Variants in HS3ST5 observed in about 807,000 individuals in gnomAD.
The protein encoded by HS3ST5 is heparan sulfate glucosamine 3-O-sulfotransferase 5.
A neutral mutation model predicts 25.4 loss-of-function variants in HS3ST5; 10 were observed. The observed-to-expected ratio is 0.39, with a 90% CI of 0.24 to 0.67. HS3ST5 has a LOEUF of 0.67. Ranked by LOEUF, HS3ST5 falls within the 30% of genes least tolerant of loss-of-function variation. The pLI is 0.44. For synonymous variants in HS3ST5, 170 were observed against 162.4 expected (o/e 1.05, Z -0.36); for missense variants, 324 against 420.7 (o/e 0.77, Z 2.01).
intron 1 of HS3ST5, among the ~76,000 whole-genome samples, chr6:114,231,880 GAAC>G (rs1481740969): frequency 6.6e-6 from 1 of 151,892 alleles, no homozygotes; most frequent in Non-Finnish European, 1.5e-5. Context: ...GAAATTAGGT[GAAC>G]AACAAGGAAA....
At chr6:114,289,427 A>G (rs1774476911) in intron 1 of HS3ST5, among the ~76,000 whole-genome samples, 2 of 152,140 alleles carry the variant, frequency 1.3e-5, no homozygotes, top group Non-Finnish European at 2.9e-5. Context: ...AAGACATAAA[A>G]TTTAAAGACA....
At chr6:114,311,495 T>A (rs572168664) in intron 1 of HS3ST5, among the ~76,000 whole-genome samples, 3 of 151,142 alleles carry the variant, frequency 2.0e-5, no homozygotes, top group Non-Finnish European at 3.0e-5. Context: ...TGTTACCACT[T>A]AAAATGAAAT....
intron 1 of HS3ST5, among the ~76,000 whole-genome samples, chr6:114,251,209 G>T (rs1297803012): frequency 6.6e-6 from 1 of 152,192 alleles, no homozygotes; most frequent in Non-Finnish European, 1.5e-5. Context: ...TAGGAGAGCA[G>T]CTTTCCACTG....
intron 1 of HS3ST5, among the ~76,000 whole-genome samples, chr6:114,321,240 A>G (rs1022064304): frequency 2.6e-5 from 4 of 152,122 alleles, no homozygotes; most frequent in Non-Finnish European, 5.9e-5. Context: ...AGTGCCTGAA[A>G]CATTCTGGCA....
At chr6:114,070,476 C>A (rs1169509118) in intron 3 of HS3ST5, among the ~76,000 whole-genome samples, 1 of 151,924 alleles carries the variant, frequency 6.6e-6, no homozygotes, top group Non-Finnish European at 1.5e-5. Context: ...TTAAAACTGA[C>A]CAGAATCATG....
intron 2 of HS3ST5, among the ~76,000 whole-genome samples, chr6:114,181,776 A>G (rs1779982747): frequency 6.6e-6 from 1 of 152,190 alleles, no homozygotes; most frequent in Non-Finnish European, 1.5e-5. Context: ...GTTCTGCTGC[A>G]GCAGTATGAA....
intron 1 of HS3ST5, among the ~76,000 whole-genome samples, chr6:114,279,437 CTG>C (rs1774006378): frequency 6.6e-6 from 1 of 152,044 alleles, no homozygotes; most frequent in Admixed American, 6.6e-5. Context: ...TAGGTGGAAT[CTG>C]TGCTTTATGT....
intron 2 of HS3ST5, among the ~76,000 whole-genome samples, chr6:114,206,270 G>A (rs1200596152): frequency 6.6e-6 from 1 of 152,150 alleles, no homozygotes; most frequent in East Asian, 1.9e-4. Context: ...TAAACTCCTT[G>A]AGGGCAGTTT....
chr6:114,311,755 C>T (rs959174748), intron 1 of HS3ST5, among the ~76,000 whole-genome samples: 7 of 152,030 alleles, frequency 4.6e-5, no homozygotes, highest in Admixed American at 1.3e-4. Flanking sequence ...GTTGGCTAAG[C>T]GGTTCTTGAA....
At chr6:114,288,554 A>G (rs774869985) in intron 1 of HS3ST5, among the ~76,000 whole-genome samples, 2 of 151,100 alleles carry the variant, frequency 1.3e-5, no homozygotes, top group Non-Finnish European at 2.9e-5. Context: ...TGTCTCTTGG[A>G]ATCCTTGCTC....
chr6:114,337,844 A>G (rs1278951260), intron 1 of HS3ST5, among the ~76,000 whole-genome samples: 1 of 152,166 alleles, frequency 6.6e-6, no homozygotes, highest in Non-Finnish European at 1.5e-5. Context: ...ATTCTGCCAT[A>G]TAGTAGCTGC....
intron 2 of HS3ST5, among the ~76,000 whole-genome samples, chr6:114,200,246 G>A (rs1438817340): frequency 1.3e-5 from 2 of 152,046 alleles, no homozygotes; most frequent in African/African-American, 4.8e-5. Context: ...AAAACAAAAT[G>A]AGGTTTGTTT....
chr6:114,303,134 A>G (rs1582801071), intron 1 of HS3ST5, among the ~76,000 whole-genome samples: 1 of 152,174 alleles, frequency 6.6e-6, no homozygotes, highest in Non-Finnish European at 1.5e-5. Context: ...GTCCGGCCTC[A>G]ACTCTACCTA....
At chr6:114,109,319 C>A (rs1776148324) in intron 3 of HS3ST5, among the ~76,000 whole-genome samples, 1 of 151,918 alleles carries the variant, frequency 6.6e-6, no homozygotes, top group African/African-American at 2.4e-5. Context: ...ATACCAAGAG[C>A]AAAATTGCTG....
chr6:114,306,256 T>TATATATATATATACAC (rs756494412), intron 1 of HS3ST5, among the ~76,000 whole-genome samples: 3 of 115,420 alleles, frequency 2.6e-5, no homozygotes, highest in African/African-American at 9.0e-5. Context: ...TATATATATA[T>TATATATATATATACAC]ACACACACAC....
intron 1 of HS3ST5, among the ~76,000 whole-genome samples, chr6:114,275,279 A>T: frequency 6.6e-6 from 1 of 152,204 alleles, no homozygotes; most frequent in East Asian, 1.9e-4. Flanking sequence ...AAAAGAACAT[A>T]ATATATGTTT....
At chr6:114,286,616 A>C (rs796370475) in intron 1 of HS3ST5, among the ~76,000 whole-genome samples, 1 of 151,982 alleles carries the variant, frequency 6.6e-6, no homozygotes, top group Non-Finnish European at 1.5e-5. Flanking sequence ...TTTCCAATTA[A>C]ATGTATAAGA....
chr6:114,256,254 G>C (rs1473248044), intron 1 of HS3ST5, among the ~76,000 whole-genome samples: 2 of 151,990 alleles, frequency 1.3e-5, no homozygotes, highest in South Asian at 2.1e-4. Context: ...TGGGCGTGGT[G>C]GTGGGCGCCT....
At chr6:114,262,283 C>T (rs1392132952) in intron 1 of HS3ST5, among the ~76,000 whole-genome samples, 1 of 152,190 alleles carries the variant, frequency 6.6e-6, no homozygotes, top group East Asian at 1.9e-4. Flanking sequence ...CGCGGTGGCT[C>T]ACGCCTGCAA....
Sources: gnomAD v4.1 joint callset for allele counts (sites outside exome capture counted in the v4.1 genomes callset) on GRCh38, gnomAD v4.1.1 for gene constraint, MANE v1.5 for transcripts, NCBI Gene and HGNC (gene_info 2026-07-23, HGNC 2026-07-21) for gene names.